The following ACTMAP variants were observed in gnomAD, a reference collection of about 807,000 sequenced individuals.
ACTMAP encodes actin maturation protease.
the ACTMAP span, chr19:40,741,873 A>G: frequency 2.2e-6 from 1 of 455,630 alleles, no homozygotes; most frequent in African/African-American, 2.0e-5. Context: ...AACTGTGAAG[A>G]CATGAGGTGG....
the ACTMAP span, chr19:40,744,076 A>AG: frequency 6.2e-7 from 1 of 1,613,896 alleles, no homozygotes; most frequent in Non-Finnish European, 8.5e-7. Flanking sequence ...CGGGATGAGC[A>AG]GGGGATGTCC....
chr19:40,743,459 C>T, the ACTMAP span, among the ~76,000 whole-genome samples: 329 of 152,240 alleles, frequency 2.2e-3, 2 homozygotes, highest in African/African-American at 7.6e-3. Context: ...TCTCAAACTC[C>T]TGACCTCAAG....
chr19:40,741,790 C>T, the ACTMAP span: 90 of 456,552 alleles, frequency 2.0e-4, 2 homozygotes, highest in South Asian at 1.4e-3. Context: ...TAGCACCCCC[C>T]TTACAGGGTT....
the ACTMAP span, among the ~76,000 whole-genome samples, chr19:40,747,456 T>G: frequency 6.6e-6 from 1 of 152,014 alleles, no homozygotes; most frequent in Non-Finnish European, 1.5e-5. Flanking sequence ...AAGAATCGCT[T>G]GAACCCGGGA....
chr19:40,749,413 CCA>C, the ACTMAP span: 2 of 1,430,028 alleles, frequency 1.4e-6, no homozygotes, highest in Non-Finnish European at 1.9e-6. Context: ...AACCCCCCCC[CCA>C]CCCCAAGAGA....
chr19:40,749,949 C>G, the ACTMAP span: 1 of 613,608 alleles, frequency 1.6e-6, no homozygotes, highest in Non-Finnish European at 2.6e-6. Flanking sequence ...GTGAAAGGAC[C>G]AGGGCTAATA....
chr19:40,744,223 G>C, the ACTMAP span: 1 of 1,531,134 alleles, frequency 6.5e-7, no homozygotes, highest in South Asian at 1.2e-5. Context: ...CACAGAGGGG[G>C]CTTGCTGCAT....
At chr19:40,745,953 G>C in the ACTMAP span, among the ~76,000 whole-genome samples, 8 of 152,312 alleles carry the variant, frequency 5.3e-5, no homozygotes, top group East Asian at 1.5e-3. Flanking sequence ...GATTATAGGC[G>C]TGAGCCACCG....
chr19:40,742,953 C>T, the ACTMAP span, among the ~76,000 whole-genome samples: 2 of 152,286 alleles, frequency 1.3e-5, no homozygotes, highest in African/African-American at 2.4e-5. Flanking sequence ...GGCTCCAAAG[C>T]TGTAGGTGTT....
the ACTMAP span, among the ~76,000 whole-genome samples, chr19:40,745,650 C>T: frequency 2.0e-5 from 3 of 152,128 alleles, no homozygotes; most frequent in Admixed American, 6.6e-5. Context: ...TAGGCATGCA[C>T]CACCATGTCC....
the ACTMAP span, chr19:40,749,413 C>T: frequency 7.0e-7 from 1 of 1,430,032 alleles, no homozygotes; most frequent in Non-Finnish European, 9.4e-7. Context: ...AACCCCCCCC[C>T]CACCCCAAGA....
the ACTMAP span, chr19:40,744,746 G>T: frequency 2.6e-6 from 4 of 1,531,494 alleles, no homozygotes; most frequent in Non-Finnish European, 3.5e-6. Context: ...GGAAGCTGGA[G>T]TTGGGGAACA....
the ACTMAP span, chr19:40,744,546 T>TC: frequency 6.2e-7 from 1 of 1,612,962 alleles, no homozygotes; most frequent in African/African-American, 1.3e-5. Context: ...GAGCATGCAG[T>TC]CACCCAGCTC....
At chr19:40,745,194 G>A in the ACTMAP span, 28 of 1,551,696 alleles carry the variant, frequency 1.8e-5, no homozygotes, top group Non-Finnish European at 2.2e-5. Flanking sequence ...AGGTCACCTC[G>A]GAACCTGAAG....
the ACTMAP span, chr19:40,749,359 TG>T: frequency 3.0e-6 from 3 of 995,440 alleles, no homozygotes; most frequent in Non-Finnish European, 4.4e-6. Context: ...GAGATCTAGG[TG>T]GGGGACCTAA....
At chr19:40,744,316 GA>G in the ACTMAP span, 3 of 1,407,416 alleles carry the variant, frequency 2.1e-6, no homozygotes, top group Middle Eastern at 2.6e-4. Flanking sequence ...TACAAATGCA[GA>G]AAATGAGGCA....
chr19:40,744,709 C>G, the ACTMAP span: 2 of 1,588,372 alleles, frequency 1.3e-6, no homozygotes, highest in Admixed American at 3.5e-5. Flanking sequence ...CCCAGCCTGT[C>G]AATCCTATGT....
the ACTMAP span, chr19:40,744,829 A>G: frequency 7.8e-7 from 1 of 1,282,896 alleles, no homozygotes; most frequent in South Asian, 1.6e-5. Flanking sequence ...CCTTCAGGGG[A>G]GAGCCCAGGG....
the ACTMAP span, chr19:40,749,763 G>T: frequency 6.8e-7 from 1 of 1,478,124 alleles, no homozygotes; most frequent in Non-Finnish European, 9.0e-7. Flanking sequence ...TTTTGGAGGA[G>T]AAATTGGTGG....
Sources: gnomAD v4.1 joint callset for allele counts (sites outside exome capture counted in the v4.1 genomes callset) on GRCh38, gnomAD v4.1.1 for gene constraint, MANE v1.5 for transcripts, NCBI Gene and HGNC (gene_info 2026-07-23, HGNC 2026-07-21) for gene names.